Variants in ACYP2 observed in about 807,000 individuals in gnomAD.
The protein encoded by ACYP2 is acylphosphatase-2.
A neutral mutation model predicts 11.2 loss-of-function variants in ACYP2; 12 were observed. That is an observed-to-expected ratio of 1.08 (90% confidence interval 0.69 to 1.74). ACYP2 has a LOEUF of 1.74. Ranked by LOEUF, ACYP2 falls within the 40% of genes most tolerant of loss-of-function variation. The probability of loss-of-function intolerance (pLI) is 0.00; values close to 1 mark genes in which losing one functional copy is unlikely to be tolerated. For missense variants in ACYP2, 134 were observed against 101.9 expected, an observed-to-expected ratio of 1.31 and a Z score of -1.35; for synonymous variants, 43 against 32.2, an observed-to-expected ratio of 1.33 and a Z score of -1.13.
intron 6 of ACYP2, among the ~76,000 whole-genome samples, chr2:54,246,132 G>C (rs114727882): frequency 6.6e-6 from 1 of 151,980 alleles, no homozygotes; most frequent in Non-Finnish European, 1.5e-5. Flanking sequence ...CCCAATTAAC[G>C]TTCTTGGCAT....
intron 4 of ACYP2, among the ~76,000 whole-genome samples, chr2:54,119,964 A>C (rs908684808): frequency 6.6e-6 from 1 of 152,168 alleles, no homozygotes; most frequent in South Asian, 2.1e-4. Context: ...ATGCTCCCCA[A>C]TTGGGATTTG....
chr2:54,005,994 G>A (rs1673043857), intron 2 of ACYP2, among the ~76,000 whole-genome samples: 1 of 151,638 alleles, frequency 6.6e-6, no homozygotes, highest in Non-Finnish European at 1.5e-5. Context: ...ATATAGGCCG[G>A]GCGTGGTGAG....
At chr2:54,166,999 G>GT (rs1683004010) in intron 6 of ACYP2, 1 of 146,944 alleles carries the variant, frequency 6.8e-6, no homozygotes. Flanking sequence ...TGAAAAAGCT[G>GT]TAACTTTTTT....
At chr2:54,186,496 G>A (rs545708583) in intron 6 of ACYP2, among the ~76,000 whole-genome samples, 2 of 152,178 alleles carry the variant, frequency 1.3e-5, no homozygotes, top group Admixed American at 6.5e-5. Flanking sequence ...TATATAAATA[G>A]CATTTTGTTG....
At chr2:54,164,803 A>G (rs576032387) in intron 6 of ACYP2, among the ~76,000 whole-genome samples, 2 of 152,158 alleles carry the variant, frequency 1.3e-5, no homozygotes, top group Non-Finnish European at 2.9e-5. Flanking sequence ...TCAACTTATC[A>G]TCTAGTTTTT....
intron 6 of ACYP2, among the ~76,000 whole-genome samples, chr2:54,296,110 A>G (rs1689511356): frequency 6.6e-6 from 1 of 152,180 alleles, no homozygotes; most frequent in African/African-American, 2.4e-5. Flanking sequence ...GAGGCATATA[A>G]TAAACACATA....
chr2:54,063,145 A>G (rs1412146668), intron 4 of ACYP2, among the ~76,000 whole-genome samples: 1 of 152,002 alleles, frequency 6.6e-6, no homozygotes, highest in Non-Finnish European at 1.5e-5. Context: ...AATTTATTTT[A>G]TTTATTTATT....
At chr2:54,227,637 T>A (rs1039158367) in intron 6 of ACYP2, among the ~76,000 whole-genome samples, 7 of 148,514 alleles carry the variant, frequency 4.7e-5, no homozygotes, top group East Asian at 2.0e-4. Context: ...AAAAAAAAAA[T>A]ATGCACACTA....
At chr2:54,183,232 T>A (rs1683820022) in intron 6 of ACYP2, among the ~76,000 whole-genome samples, 1 of 152,230 alleles carries the variant, frequency 6.6e-6, no homozygotes, top group Admixed American at 6.5e-5. Context: ...AATGATTGAA[T>A]TTAATAATTG....
chr2:53,988,010 A>T (rs1672113896), intron 2 of ACYP2, among the ~76,000 whole-genome samples: 1 of 152,136 alleles, frequency 6.6e-6, no homozygotes, highest in African/African-American at 2.4e-5. Context: ...AGTTTTTAAT[A>T]TTGATGAGGT....
chr2:54,225,100 A>G (rs1177168703), intron 6 of ACYP2, among the ~76,000 whole-genome samples: 4 of 152,170 alleles, frequency 2.6e-5, no homozygotes, highest in African/African-American at 9.6e-5. Context: ...AGTTCCAACC[A>G]TTTCAGGTAA....
At chr2:54,265,181 A>G (rs556214325) in intron 6 of ACYP2, among the ~76,000 whole-genome samples, 1 of 152,276 alleles carries the variant, frequency 6.6e-6, no homozygotes, top group East Asian at 1.9e-4. Flanking sequence ...AGACTGGGAA[A>G]TTTACAAAAG....
chr2:54,124,037 C>A (rs540284555), intron 4 of ACYP2, among the ~76,000 whole-genome samples: 1 of 152,098 alleles, frequency 6.6e-6, no homozygotes. Flanking sequence ...ATATTAAATA[C>A]ACTTCTAAAC....
intron 4 of ACYP2, among the ~76,000 whole-genome samples, chr2:54,134,591 T>G (rs1457688840): frequency 6.6e-6 from 1 of 152,242 alleles, no homozygotes; most frequent in African/African-American, 2.4e-5. Context: ...AGCATTTTAT[T>G]TATTTGGATT....
intron 6 of ACYP2, among the ~76,000 whole-genome samples, chr2:54,284,685 C>G (rs762639226): frequency 1.3e-5 from 2 of 152,166 alleles, no homozygotes; most frequent in African/African-American, 4.8e-5. Flanking sequence ...CATCTCCAGC[C>G]CTTTATAGCA....
chr2:54,268,502 A>G (rs779574345), intron 6 of ACYP2, among the ~76,000 whole-genome samples: 2 of 152,066 alleles, frequency 1.3e-5, no homozygotes, highest in Non-Finnish European at 2.9e-5. Flanking sequence ...TACCCAATGT[A>G]TGGAAAGAAG....
intron 6 of ACYP2, among the ~76,000 whole-genome samples, chr2:54,302,689 C>G (rs539783981): frequency 6.6e-6 from 1 of 152,224 alleles, no homozygotes; most frequent in South Asian, 2.1e-4. Context: ...ATGTAACATT[C>G]CAAAACTGAG....
At chr2:53,975,341 C>A (rs79700734) in intron 2 of ACYP2, 1 of 398,400 alleles carries the variant, frequency 2.5e-6, no homozygotes. Flanking sequence ...AAGGTCTCTT[C>A]CTCTTATTCT....
intron 3 of ACYP2, chr2:54,051,712 G>T: frequency 1.7e-6 from 1 of 592,930 alleles, no homozygotes; most frequent in Non-Finnish European, 3.1e-6. Flanking sequence ...GCCTGATGCA[G>T]CAAAAAAAGG....
Sources: gnomAD v4.1 joint callset for allele counts (sites outside exome capture counted in the v4.1 genomes callset) on GRCh38, gnomAD v4.1.1 for gene constraint, MANE v1.5 for transcripts, NCBI Gene and HGNC (gene_info 2026-07-23, HGNC 2026-07-21) for gene names.